CA8: variants seen among roughly 807,000 people sequenced by gnomAD.
CA8 encodes carbonic anhydrase-related protein.
In CA8, 22 loss-of-function variants were observed where a neutral mutation model predicts 41.4. That is an observed-to-expected ratio of 0.53 (90% confidence interval 0.38 to 0.76). The LOEUF (loss-of-function observed/expected upper bound fraction) is 0.76. Ranked by LOEUF, CA8 falls within the 30% of genes least tolerant of loss-of-function variation. CA8 has a pLI of 0.00. For synonymous variants in CA8, 121 were observed against 130.6 expected (o/e 0.93, Z 0.50); for missense variants, 270 against 352.8 (o/e 0.77, Z 1.88).
chr8:60,249,907 T>C (rs1808387077), intron 3 of CA8, among the ~76,000 whole-genome samples: 1 of 152,210 alleles, frequency 6.6e-6, no homozygotes, highest in Non-Finnish European at 1.5e-5. Context: ...ATGGATTGAT[T>C]ACTGATGTGG....
intron 4 of CA8, among the ~76,000 whole-genome samples, chr8:60,229,429 C>G (rs906303953): frequency 1.3e-5 from 2 of 152,118 alleles, no homozygotes. Context: ...GCCATCCTCC[C>G]GAGGGGACCA....
At chr8:60,236,488 A>G (rs1452055863) in intron 3 of CA8, among the ~76,000 whole-genome samples, 1 of 152,154 alleles carries the variant, frequency 6.6e-6, no homozygotes, top group Non-Finnish European at 1.5e-5. Context: ...ATGCAAACAA[A>G]CAAAAAAAAA....
chr8:60,215,250 C>T (rs751040737), intron 7 of CA8, among the ~76,000 whole-genome samples: 1 of 152,094 alleles, frequency 6.6e-6, no homozygotes, highest in Non-Finnish European at 1.5e-5. Flanking sequence ...GACAATCCAG[C>T]TGATTGGCTT....
At chr8:60,202,592 G>A (rs774657945) in intron 8 of CA8, among the ~76,000 whole-genome samples, 1 of 152,114 alleles carries the variant, frequency 6.6e-6, no homozygotes, top group Non-Finnish European at 1.5e-5. Context: ...ACTTCATGCT[G>A]TGTCTAAGAT....
chr8:60,273,254 T>C (rs1804126439), intron 2 of CA8, among the ~76,000 whole-genome samples: 1 of 152,266 alleles, frequency 6.6e-6, no homozygotes, highest in African/African-American at 2.4e-5. Context: ...GAAGTATAAT[T>C]ATATTTGTTC....
intron 2 of CA8, among the ~76,000 whole-genome samples, chr8:60,276,416 G>C (rs967183115): frequency 6.6e-6 from 1 of 152,112 alleles, no homozygotes; most frequent in African/African-American, 2.4e-5. Flanking sequence ...CCTAAGAGAA[G>C]ATCCGTCATA....
chr8:60,276,687 G>T (rs777549977), intron 2 of CA8, among the ~76,000 whole-genome samples: 1 of 152,154 alleles, frequency 6.6e-6, no homozygotes, highest in Non-Finnish European at 1.5e-5. Context: ...TACACTAAAA[G>T]CCCGGACTCC....
intron 1 of CA8, among the ~76,000 whole-genome samples, chr8:60,280,308 C>CT (rs1177709844): frequency 2.0e-5 from 3 of 152,174 alleles, no homozygotes; most frequent in Admixed American, 6.5e-5. Flanking sequence ...ATAGACGCCC[C>CT]TTATCAGAAA....
rs937482955 is a variant in CA8, at chr8:60,187,804, A to G, written c.*2217T>C. On this transcript the variant is annotated 3_prime_UTR_variant, in exon 9 of 9. Transcript: ENST00000317995. ...CACCCTAAATTAAATTTCAAGATCT[A>G]TGACATTTGTCATTAATTCTCCCCT... The G allele has an allele frequency of 3.3e-5, 5 of 152,300 alleles. 1 individual carries two copies. The highest frequency in any genetic ancestry group is 3.3e-4 in the Admixed American group (5 of 15,302). The allele number at this position is 152,300 out of a possible 1,614,324, so 9.4% of individuals were successfully genotyped here.
chr8:60,221,704 G>T (rs1183558871), intron 7 of CA8, among the ~76,000 whole-genome samples: 1 of 152,168 alleles, frequency 6.6e-6, no homozygotes, highest in African/African-American at 2.4e-5. Flanking sequence ...AAGGGTATGG[G>T]GAGGAGAGGC....
intron 3 of CA8, among the ~76,000 whole-genome samples, chr8:60,259,740 CTTT>C (rs1203317962): frequency 3.6e-5 from 5 of 138,246 alleles, no homozygotes; most frequent in Non-Finnish European, 3.2e-5. Flanking sequence ...AATTTGTTTG[CTTT>C]TTTTTTTTTT....
chr8:60,202,740 G>A (rs1806469793), intron 8 of CA8, among the ~76,000 whole-genome samples: 1 of 152,020 alleles, frequency 6.6e-6, no homozygotes, highest in Non-Finnish European at 1.5e-5. Flanking sequence ...GGTCCTCCAA[G>A]ATCACAACGA....
intron 3 of CA8, among the ~76,000 whole-genome samples, chr8:60,235,154 A>G (rs1807787872): frequency 6.6e-6 from 1 of 152,144 alleles, no homozygotes; most frequent in South Asian, 2.1e-4. Flanking sequence ...TAAACAACAG[A>G]CATTTACTTT....
At chr8:60,276,969 A>C (rs1005904948) in intron 2 of CA8, among the ~76,000 whole-genome samples, 1 of 151,920 alleles carries the variant, frequency 6.6e-6, no homozygotes, top group Non-Finnish European at 1.5e-5. Flanking sequence ...AAATACAAAA[A>C]TTAGCTTGGT....
Position 60,265,944 on chromosome 8 carries a change from A to C in CA8, c.398T>G (p.Phe133Cys), listed in dbSNP as rs1803887356. The C allele has an allele frequency of 3.1e-6, 5 of 1,614,144 alleles. No homozygotes were observed. Among genetic ancestry groups the C allele is most frequent in the South Asian group, 2.2e-5 (2 of 91,078 alleles). ...TCTTACCTCCATGGGAAAAGCTTTG[A>C]AATTAACCGTGTGCTCAGAACCACG... ...NQRGSEHTVN[F>C]KAFPMELHLI... The change falls in exon 3 of 9, where the codon TTC becomes TGC. Residue 133 changes from phenylalanine (F) to cysteine (C), a missense_variant. Phe to Cys is a radical substitution (Grantham distance 205, BLOSUM62 -2). Around this residue, in one of 3 missense-constraint regions of CA8, gnomAD observed 141 missense variants for 191.6 expected, o/e 0.74. Coordinates refer to ENST00000317995, the MANE Select transcript of CA8 (RefSeq NM_004056.6).
At chr8:60,252,988 G>A (rs1398832476) in intron 3 of CA8, among the ~76,000 whole-genome samples, 4 of 152,046 alleles carry the variant, frequency 2.6e-5, no homozygotes, top group South Asian at 4.1e-4. Context: ...CCAGCACTTC[G>A]GGAGGCTGAG....
chr8:60,204,886 CT>C (rs1218877872), intron 8 of CA8, among the ~76,000 whole-genome samples: 2 of 152,160 alleles, frequency 1.3e-5, no homozygotes, highest in African/African-American at 2.4e-5. Context: ...TCTCACTTTC[CT>C]TTCCTCACAC....
chr8:60,268,454 C>T (rs1328700793), intron 2 of CA8, among the ~76,000 whole-genome samples: 1 of 152,164 alleles, frequency 6.6e-6, no homozygotes, highest in Non-Finnish European at 1.5e-5. Flanking sequence ...TTTCAGGGAA[C>T]CATAAAGAGA....
At chr8:60,207,034 G>A (rs993593775) in intron 8 of CA8, among the ~76,000 whole-genome samples, 2 of 152,062 alleles carry the variant, frequency 1.3e-5, no homozygotes, top group Non-Finnish European at 2.9e-5. Flanking sequence ...GCGACCTGGA[G>A]TCTCCAGCTC....
Sources: allele counts gnomAD v4.1 joint callset (sites outside exome capture counted in the v4.1 genomes callset), GRCh38; gene constraint gnomAD v4.1.1; regional missense constraint gnomAD v4.1.1; transcripts MANE v1.5; gene names NCBI Gene and HGNC (gene_info 2026-07-23, HGNC 2026-07-21).